GRM5: variants seen among roughly 807,000 people sequenced by gnomAD.
GRM5 encodes the protein metabotropic glutamate receptor 5.
GRM5 carries 19 observed loss-of-function variants against 83.1 expected under a neutral mutation model. The ratio of observed to expected loss-of-function variants is 0.23; its 90% CI spans 0.16 to 0.34. GRM5 has a LOEUF of 0.34. Among genes scored for constraint, GRM5 ranks in the 10% least tolerant of loss-of-function variants. The pLI is 1.00. For missense variants in GRM5, 1,160 were observed against 1,588.3 expected (o/e 0.73, Z 4.58); for synonymous variants, 675 against 633.6 (o/e 1.07, Z -0.98).
At chr11:88,653,457 G>T in intron 3 of GRM5, 54 bp from the exon 4 acceptor site, 1 of 1,188,496 alleles carries the variant, frequency 8.4e-7, no homozygotes, top group South Asian at 1.3e-5. Flanking sequence ...CTAAGCAAAT[G>T]AGTCCATTTG....
At chr11:88,908,891 C>T (rs1288268435) in intron 2 of GRM5, among the ~76,000 whole-genome samples, 1 of 152,112 alleles carries the variant, frequency 6.6e-6, no homozygotes, top group Non-Finnish European at 1.5e-5. Context: ...GTGGTCCCTT[C>T]TCTCCATACT....
chr11:88,770,365 G>A (rs1258945584), intron 3 of GRM5, among the ~76,000 whole-genome samples: 2 of 151,974 alleles, frequency 1.3e-5, no homozygotes, highest in Non-Finnish European at 1.5e-5. Context: ...TATTGATATT[G>A]TTTCATTAAT....
intron 7 of GRM5, among the ~76,000 whole-genome samples, chr11:88,573,686 G>A (rs976323019): frequency 2.6e-5 from 4 of 152,234 alleles, no homozygotes; most frequent in African/African-American, 9.6e-5. Context: ...AGGGGCTGTT[G>A]TGGGTTTCCT....
chr11:88,877,041 A>C (rs1242310471), intron 2 of GRM5, among the ~76,000 whole-genome samples: 1 of 152,028 alleles, frequency 6.6e-6, no homozygotes, highest in African/African-American at 2.4e-5. Context: ...AGAGAGTAGG[A>C]TAGTGGTTAC....
intron 1 of GRM5, among the ~76,000 whole-genome samples, chr11:89,061,932 AT>A (rs1942003368): frequency 6.6e-6 from 1 of 152,172 alleles, no homozygotes; most frequent in South Asian, 2.1e-4. Flanking sequence ...TGGAGTGTAA[AT>A]GACTAGAGAA....
chr11:88,918,923 T>C (rs1945640539), intron 2 of GRM5, among the ~76,000 whole-genome samples: 1 of 148,236 alleles, frequency 6.7e-6, no homozygotes, highest in African/African-American at 2.5e-5. Flanking sequence ...AATCAAAAAA[T>C]TAAAACATAC....
intron 2 of GRM5, among the ~76,000 whole-genome samples, chr11:89,023,060 T>G (rs1376669981): frequency 1.3e-5 from 2 of 152,028 alleles, no homozygotes; most frequent in East Asian, 1.9e-4. Flanking sequence ...TTCCAAACAG[T>G]GATGTATTAT....
rs775621833 is a variant in GRM5, at chr11:88,509,370, T to C, written c.2861A>G (p.Lys954Arg). The C allele has an allele frequency of 2.5e-6, 4 of 1,612,006 alleles. No homozygotes were observed. Among genetic ancestry groups the C allele is most frequent in the East Asian group, 2.2e-5 (1 of 44,796 alleles). ...NQTAVIKPFPKSTESRGLGAG... is the reference protein window; with the variant it reads ...NQTAVIKPFPRSTESRGLGAG... ...GCCCAGGCCACGGCTCTCCGTGCTC[T>C]TGGGGAAGGGCTTGATGACGGCCGT... is the stretch of plus-strand genomic sequence containing the variant. Residue 954 changes from lysine (K) to arginine (R), a missense_variant, in exon 10 of 10, where the codon AAG becomes AGG. Lys to Arg is a conservative substitution (Grantham distance 26). This residue lies in a region of GRM5 where 562 missense variants were observed against 532.4 expected (regional missense o/e 1.06). Transcript: ENST00000305447.
At chr11:88,538,488 C>T (rs1225810508) in intron 8 of GRM5, among the ~76,000 whole-genome samples, 1 of 152,154 alleles carries the variant, frequency 6.6e-6, no homozygotes, top group Non-Finnish European at 1.5e-5. Context: ...CCATAGGAAA[C>T]ATTTCATTAT....
chr11:88,990,494 C>T (rs1439341487), intron 2 of GRM5, among the ~76,000 whole-genome samples: 7 of 148,458 alleles, frequency 4.7e-5, no homozygotes, highest in South Asian at 4.4e-4. Flanking sequence ...AAGAGGGAAT[C>T]CTCCCTAACT....
intron 2 of GRM5, among the ~76,000 whole-genome samples, chr11:88,989,864 G>A (rs1375486723): frequency 6.6e-6 from 1 of 151,936 alleles, no homozygotes; most frequent in African/African-American, 2.4e-5. Flanking sequence ...TCAAAGCAGT[G>A]CTTTGAGGGA....
chr11:89,034,213 A>G (rs1217585104), intron 2 of GRM5, among the ~76,000 whole-genome samples: 1 of 151,842 alleles, frequency 6.6e-6, no homozygotes, highest in Non-Finnish European at 1.5e-5. Flanking sequence ...AAAAGATATT[A>G]ATGGTGTGCA....
intron 5 of GRM5, among the ~76,000 whole-genome samples, chr11:88,604,417 A>G (rs1938084929): frequency 6.6e-6 from 1 of 152,242 alleles, no homozygotes; most frequent in Non-Finnish European, 1.5e-5. Context: ...AAGCATGTAC[A>G]GAGAAACCAC....
chr11:88,996,789 C>T (rs145443640), intron 2 of GRM5, among the ~76,000 whole-genome samples: 47 of 152,276 alleles, frequency 3.1e-4, no homozygotes, highest in African/African-American at 9.9e-4. Context: ...TGAAATCATG[C>T]AGAATGTGTT....
At chr11:89,009,795 G>C (rs1940635137) in intron 2 of GRM5, among the ~76,000 whole-genome samples, 1 of 149,656 alleles carries the variant, frequency 6.7e-6, no homozygotes, top group Non-Finnish European at 1.5e-5. Context: ...CAGCTACTCG[G>C]GAGGCTGAGG....
chr11:88,681,770 C>T (rs1351919878), intron 3 of GRM5, among the ~76,000 whole-genome samples: 2 of 151,308 alleles, frequency 1.3e-5, no homozygotes, highest in Non-Finnish European at 2.9e-5. Flanking sequence ...GTGGTTTCAC[C>T]ATGTTGGCCA....
At chr11:88,964,332 T>A (rs749911901) in intron 2 of GRM5, among the ~76,000 whole-genome samples, 78 of 151,884 alleles carry the variant, frequency 5.1e-4, no homozygotes, top group Non-Finnish European at 9.3e-4. Context: ...TTCATTTTAT[T>A]TTTCTGAGAG....
At chr11:88,575,396 GTTATCTACTAAC>G (rs1943088958) in intron 7 of GRM5, among the ~76,000 whole-genome samples, 1 of 150,966 alleles carries the variant, frequency 6.6e-6, no homozygotes, top group Non-Finnish European at 1.5e-5. Context: ...AAACTCTGTG[GTTATCTACTAAC>G]TTATTTATTT....
At chr11:88,560,000 T>A (rs1942717467) in intron 8 of GRM5, among the ~76,000 whole-genome samples, 1 of 151,922 alleles carries the variant, frequency 6.6e-6, no homozygotes, top group African/African-American at 2.4e-5. Context: ...AAGTGAGAGT[T>A]GAGGGTGAGA....
Sources: gnomAD v4.1 joint callset for allele counts (sites outside exome capture counted in the v4.1 genomes callset) on GRCh38, gnomAD v4.1.1 for gene constraint, gnomAD v4.1.1 regional missense constraint, MANE v1.5 for transcripts, NCBI Gene and HGNC (gene_info 2026-07-23, HGNC 2026-07-21) for gene names.